MRC1: variants seen among roughly 807,000 people sequenced by gnomAD.
MRC1 encodes mannose receptor C-type 1, also known as macrophage mannose receptor 1.
MRC1 carries 62 observed loss-of-function variants against 102.9 expected under a neutral mutation model. The ratio of observed to expected loss-of-function variants is 0.60; its 90% CI spans 0.49 to 0.74. MRC1 has a LOEUF of 0.74. Among genes scored for constraint, MRC1 ranks in the 30% least tolerant of loss-of-function variants. MRC1 has a pLI of 0.00. For missense variants in MRC1, 1,237 were observed against 862.8 expected (o/e 1.43, Z -5.43); for synonymous variants, 457 against 298.4 (o/e 1.53, Z -5.48).
Position 17,875,202 on chromosome 10 carries a change from T to C in MRC1, c.2499T>C (p.Gly833=), listed in dbSNP as rs1390033071. 8 of 780,754 alleles carry C rather than the reference T, an allele frequency of 1.0e-5. No individual in the cohort carries two copies. The highest frequency in any genetic ancestry group is 1.7e-5 in the Admixed American group (1 of 59,008). 48.4% of individuals were successfully genotyped at this position (780,754 alleles called of 1,614,324 possible). The change falls in exon 17 of 30, where the codon GGT becomes GGC. Residue 833 remains glycine (G), a synonymous_variant. Transcript: ENST00000569591. ...GAGCGTTTTGCAAGAGGAATTTTGG[T>C]GATCTTGTTTCTATTCAAAGTGAAA... The part of the protein sequence containing the change: ...NARAFCKRNF[G]DLVSIQSESE...
At chr10:17,883,184 T>A (rs1041793217) in intron 21 of MRC1, among the ~76,000 whole-genome samples, 4 of 152,162 alleles carry the variant, frequency 2.6e-5, no homozygotes, top group Admixed American at 2.0e-4. Flanking sequence ...CTGGAGAGCA[T>A]TGATGTGATT....
At chr10:17,873,292 G>A (rs959570274) in intron 15 of MRC1, among the ~76,000 whole-genome samples, 50,466 of 151,788 alleles carry the variant, frequency 0.33, 8,348 homozygotes, top group Admixed American at 0.4. Context: ...ACATTTAATC[G>A]TTTCAAATCA....
chr10:17,885,507 G>A (rs1173441511), intron 22 of MRC1, 72 bp downstream of exon 22: 1 of 757,924 alleles, frequency 1.3e-6, no homozygotes, highest in African/African-American at 1.7e-5. Context: ...ATTGATTACT[G>A]TTCCATGAAA....
intron 3 of MRC1, among the ~76,000 whole-genome samples, chr10:17,831,022 G>A (rs1157971463): frequency 6.7e-6 from 1 of 149,770 alleles, no homozygotes; most frequent in Non-Finnish European, 1.5e-5. Context: ...CTGAGTAGCT[G>A]GGATTACAGG....
chr10:17,852,064 T>A (rs1838925578), intron 7 of MRC1, among the ~76,000 whole-genome samples: 1 of 152,222 alleles, frequency 6.6e-6, no homozygotes, highest in African/African-American at 2.4e-5. Context: ...ATTTGTGTAT[T>A]CTTTAACTTT....
rs1589180575 is a variant in MRC1 at position 17,856,333 on chromosome 10, T to A, written c.1499T>A (p.Val500Asp). Residue 500 changes from valine to aspartate, a missense_variant, in exon 9 of 30, where the codon GTC becomes GAC. Val to Asp is a radical substitution (Grantham distance 152). Coordinates refer to ENST00000569591, the MANE Select transcript of MRC1 (RefSeq NM_002438.4). ...AGCCAAGGTCCAGAAATAGTGGAAG[T>A]CGAAAAAGGCTGCAGGAAAGTGAGT... is the stretch of plus-strand genomic sequence containing the variant. ...SRSQGPEIVEVEKGCRKGWKK... is the reference protein window; with the variant it reads ...SRSQGPEIVEDEKGCRKGWKK... 4 of 856,436 alleles carry A rather than the reference T, an allele frequency of 4.7e-6. No individual in the cohort carries two copies. Among genetic ancestry groups the A allele is most frequent in the Non-Finnish European group, 8.1e-6 (4 of 493,640 alleles). 53.1% of individuals were successfully genotyped at this position (856,436 alleles called of 1,614,324 possible).
intron 1 of MRC1, among the ~76,000 whole-genome samples, chr10:17,811,338 C>G (rs1162013329): frequency 6.6e-6 from 1 of 152,108 alleles, no homozygotes; most frequent in African/African-American, 2.4e-5. Context: ...TTTAAACTGA[C>G]TCAATAATGC....
chr10:17,843,495 G>A lies in MRC1; in HGVS notation c.917-1794G>A, dbSNP rs968112199. Among the ~76,000 whole-genome samples the A allele has an allele frequency of 1.7e-4, 26 of 152,074 alleles. 1 individual carries two copies. Among genetic ancestry groups the A allele is most frequent in the African/African-American group, 6.0e-4 (25 of 41,482 alleles). ...AGCCTGGTCAAGATGGTGAAACCCCGTCTATACTAAAAATACAAAAATTAG... is the reference window on the plus strand; with the variant it reads ...AGCCTGGTCAAGATGGTGAAACCCCATCTATACTAAAAATACAAAAATTAG... On this transcript the variant is annotated intron_variant, in intron 5 of 29. Transcript: ENST00000569591.
intron 1 of MRC1, among the ~76,000 whole-genome samples, chr10:17,816,196 T>G (rs1589162400): frequency 6.6e-6 from 1 of 152,208 alleles, no homozygotes; most frequent in African/African-American, 2.4e-5. Context: ...TCACTGAATT[T>G]GGGGTCTTTG....
At chr10:17,818,755 C>T (rs1425469410) in intron 1 of MRC1, among the ~76,000 whole-genome samples, 1 of 152,080 alleles carries the variant, frequency 6.6e-6, no homozygotes, top group Admixed American at 6.6e-5. Context: ...GCCAAGATGG[C>T]GCCACTGTAC....
intron 1 of MRC1, among the ~76,000 whole-genome samples, chr10:17,812,103 G>C (rs952676512): frequency 2.6e-5 from 4 of 152,078 alleles, no homozygotes; most frequent in Non-Finnish European, 4.4e-5. Context: ...TCCACCTTCA[G>C]GAGAGCATCC....
intron 4 of MRC1, among the ~76,000 whole-genome samples, chr10:17,839,207 G>T (rs975286587): frequency 6.6e-6 from 1 of 152,072 alleles, no homozygotes; most frequent in Non-Finnish European, 1.5e-5. Context: ...GATGTCAAAA[G>T]GTAATTCTCT....
At position 17,856,313 on chromosome 10, in the gene MRC1, A is replaced by C. The variant is rs989364133; in HGVS notation, c.1479A>C (p.Gln493His). The C allele has an allele frequency of 1.5e-5, 13 of 861,240 alleles. 1 individual carries two copies. In the East Asian group the frequency reaches 3.1e-4, roughly 21 times the overall value. 53.3% of individuals were successfully genotyped at this position (861,240 alleles called of 1,614,324 possible). A position where few individuals can be genotyped will look rare whatever the true frequency, so the allele number is the denominator to read the frequency against. The change falls in exon 9 of 30, where the codon CAA (glutamine) becomes CAC (histidine). Residue 493 changes from glutamine (Q) to histidine (H), a missense_variant. Coordinates refer to ENST00000569591, the MANE Select transcript of MRC1 (RefSeq NM_002438.4). The part of the protein sequence containing the change: ...GYICKMKSRS[Q>H]GPEIVEVEKG... ...TCTGCAAGATGAAATCACGAAGCCA[A>C]GGTCCAGAAATAGTGGAAGTCGAAA...
chr10:17,869,753 C>A lies in MRC1; in HGVS notation c.1984-493C>A, dbSNP rs1589186726. Among the ~76,000 whole-genome samples the A allele has an allele frequency of 2.6e-5, 4 of 152,230 alleles. 1 individual carries two copies. Among genetic ancestry groups the A allele is most frequent in the East Asian group, 1.9e-4 (1 of 5,180 alleles). Reference sequence around the variant, plus strand: ...ACAAGGCGGTATTGAAGGACATTACCAACAAAATATTGAAACATTGCCAGG... The same window carrying A: ...ACAAGGCGGTATTGAAGGACATTACAAACAAAATATTGAAACATTGCCAGG... On this transcript the variant is annotated intron_variant, in intron 12 of 29. Transcript: ENST00000569591.
At chr10:17,895,738 C>T (rs1021671193) in intron 23 of MRC1, among the ~76,000 whole-genome samples, 17 of 152,218 alleles carry the variant, frequency 1.1e-4, no homozygotes, top group South Asian at 2.1e-4. Context: ...AGGTGAGCCC[C>T]GAAATTGGGG....
At position 17,880,680 on chromosome 10, in the gene MRC1, A is replaced by C. The variant is rs1833501290; in HGVS notation, c.2865+10A>C. 1.3e-6 allele frequency: 1 copy of C among 780,706 alleles called. No individual in the cohort carries two copies. The highest frequency in any genetic ancestry group is 1.7e-5 in the African/African-American group (1 of 59,138). The allele number at this position is 780,706 out of a possible 1,614,324, so 48.4% of individuals were successfully genotyped here. A position where few individuals can be genotyped will look rare whatever the true frequency, so the allele number is the denominator to read the frequency against. On this transcript the variant is annotated intron_variant, in intron 20 of 29. Transcript: ENST00000569591. The stretch of plus-strand genomic sequence containing the variant: ...TTTCTACAGCAACAAGGTACTAGGA[A>C]AATTAGTTGCAATCTTGGCACTGAT...
At chr10:17,849,001 G>A (rs1838871391) in intron 6 of MRC1, among the ~76,000 whole-genome samples, 2 of 152,140 alleles carry the variant, frequency 1.3e-5, no homozygotes, top group Non-Finnish European at 2.9e-5. Context: ...TCTTTTAGGG[G>A]ATGTGTTTAG....
At chr10:17,847,152 T>C (rs1838838171) in intron 6 of MRC1, among the ~76,000 whole-genome samples, 2 of 101,440 alleles carry the variant, frequency 2.0e-5, no homozygotes, top group Non-Finnish European at 4.3e-5. Context: ...GGAGAAATAG[T>C]GTATTTTTTC....
intron 16 of MRC1, among the ~76,000 whole-genome samples, chr10:17,874,398 G>T (rs1273469393): frequency 6.6e-6 from 1 of 151,896 alleles, no homozygotes; most frequent in Non-Finnish European, 1.5e-5. Flanking sequence ...ATCTCCCTCC[G>T]CCCCTCTGCA....
Sources: gnomAD v4.1 joint callset for allele counts (sites outside exome capture counted in the v4.1 genomes callset) on GRCh38, gnomAD v4.1.1 for gene constraint, MANE v1.5 for transcripts, NCBI Gene and HGNC (gene_info 2026-07-23, HGNC 2026-07-21) for gene names.